RASGRF2: variants seen among roughly 807,000 people sequenced by gnomAD.
RASGRF2 encodes Ras protein specific guanine nucleotide releasing factor 2.
A neutral mutation model predicts 151.0 loss-of-function variants in RASGRF2; 76 were observed. That is an observed-to-expected ratio of 0.50 (90% CI 0.42 to 0.61). The LOEUF is 0.61. Among genes scored for constraint, RASGRF2 ranks in the 20% least tolerant of loss-of-function variants. The pLI, the probability that RASGRF2 is intolerant of heterozygous loss-of-function variation, is 0.00. For missense variants in RASGRF2, 1,148 were observed against 1,564.6 expected (o/e 0.73, Z 4.49); for synonymous variants, 504 against 566.5 (o/e 0.89, Z 1.57).
intron 17 of RASGRF2, among the ~76,000 whole-genome samples, chr5:81,140,802 A>G (rs986904497): frequency 2.0e-5 from 3 of 152,084 alleles, no homozygotes; most frequent in Admixed American, 2.0e-4. Flanking sequence ...AATGTAGTTG[A>G]TTATGCCTCA....
chr5:81,006,835 A>G (rs13182907), intron 1 of RASGRF2, among the ~76,000 whole-genome samples: 31,293 of 152,172 alleles, frequency 0.21, 3,288 homozygotes, highest in Admixed American at 0.24. Flanking sequence ...AACTGAACAC[A>G]TGTCTCAGAA....
chr5:80,972,687 C>A (rs1747977544), intron 1 of RASGRF2, among the ~76,000 whole-genome samples: 1 of 152,034 alleles, frequency 6.6e-6, no homozygotes, highest in African/African-American at 2.4e-5. Context: ...ATCATGTTGG[C>A]CAGGCTGGTC....
rs146584103 is a variant in RASGRF2, at chr5:81,198,788, C to T, written c.2794-2542C>T. Among the ~76,000 whole-genome samples the T allele has an allele frequency of 2.3e-4, 35 of 152,246 alleles. No homozygotes were observed. The East Asian group carries it at 2.3e-3, about 10-fold the overall frequency. On this transcript the variant is annotated intron_variant, in intron 18 of 26. Transcript: ENST00000265080. ...ATAGTATTCCATGGTGTATGTATAC[C>T]GCATTTTCTTTATCTAATGCACCGT... is the stretch of plus-strand genomic sequence containing the variant.
intron 2 of RASGRF2, among the ~76,000 whole-genome samples, chr5:81,060,427 G>T (rs79277692): frequency 1.4e-5 from 2 of 138,004 alleles, no homozygotes; most frequent in Non-Finnish European, 1.6e-5. Context: ...AGCCCTCACC[G>T]CTTGGTTAAA....
chr5:81,211,528 GGCACTCA>G (rs1362301299), intron 22 of RASGRF2, among the ~76,000 whole-genome samples: 1 of 152,200 alleles, frequency 6.6e-6, no homozygotes, highest in Admixed American at 6.5e-5. Flanking sequence ...AGGATGCGCA[GGCACTCA>G]GTGAACAGCA....
chr5:81,123,796 G>C, intron 16 of RASGRF2, 29 bp downstream of exon 16: 2 of 1,588,656 alleles, frequency 1.3e-6, no homozygotes, highest in South Asian at 2.3e-5. Flanking sequence ...CTCAGAAATA[G>C]AAACGTGAAA....
intron 15 of RASGRF2, among the ~76,000 whole-genome samples, chr5:81,114,393 A>G (rs1371080804): frequency 1.3e-5 from 2 of 152,232 alleles, no homozygotes; most frequent in East Asian, 1.9e-4. Context: ...AAGTACCACA[A>G]TGGCTTCTTT....
intron 1 of RASGRF2, among the ~76,000 whole-genome samples, chr5:81,040,996 A>G (rs1750660089): frequency 6.6e-6 from 1 of 152,188 alleles, no homozygotes; most frequent in African/African-American, 2.4e-5. Context: ...CATGTGTTCA[A>G]TTACGACTTA....
chr5:81,153,910 T>C (rs1479313010), intron 17 of RASGRF2, among the ~76,000 whole-genome samples: 1 of 149,750 alleles, frequency 6.7e-6, no homozygotes, highest in Non-Finnish European at 1.5e-5. Flanking sequence ...CTGGAGTGGC[T>C]CTACTGATAA....
At chr5:81,121,115 G>A (rs1753296593) in intron 15 of RASGRF2, among the ~76,000 whole-genome samples, 1 of 152,040 alleles carries the variant, frequency 6.6e-6, no homozygotes, top group African/African-American at 2.4e-5. Flanking sequence ...TGTGTGTGAT[G>A]TCTGTAAGAG....
At chr5:81,118,373 T>C (rs1753216274) in intron 15 of RASGRF2, among the ~76,000 whole-genome samples, 1 of 152,216 alleles carries the variant, frequency 6.6e-6, no homozygotes, top group African/African-American at 2.4e-5. Flanking sequence ...TGGGTTTGCC[T>C]GGGCCACAGC....
At position 80,977,412 on chromosome 5, in the gene RASGRF2, G is replaced by A. The variant is rs575047230; in HGVS notation, c.288+16386G>A. On this transcript the variant is annotated intron_variant, in intron 1 of 26. Transcript: ENST00000265080. ...ATTAAATTAACTGAGATAATCTTATGTGAAAGGTGTTTGTAAACTATAAAA... is the reference window on the plus strand; with the variant it reads ...ATTAAATTAACTGAGATAATCTTATATGAAAGGTGTTTGTAAACTATAAAA... 3.9e-5 allele frequency among the ~76,000 whole-genome samples: 6 copies of A among 152,240 alleles called. No homozygotes were observed. The East Asian group carries it at 1.2e-3, about 29-fold the overall frequency.
In RASGRF2 at chr5:81,216,963, G is replaced by A. The variant is rs148410771; in HGVS notation, c.3435-393G>A. On this transcript the variant is annotated intron_variant, in intron 24 of 26. Coordinates refer to ENST00000265080, the MANE Select transcript of RASGRF2 (RefSeq NM_006909.3). The stretch of plus-strand genomic sequence containing the variant: ...CTAACTGCATGGATTTTTCCATCTA[G>A]TTCATCAAGGCTGAATACTTGATTT... 2,479 of 456,402 alleles carry A rather than the reference G, an allele frequency of 5.4e-3. 15 individuals are homozygous for A. The highest frequency in any genetic ancestry group is 8.2e-3 in the Non-Finnish European group (1,862 of 227,216). The allele number at this position is 456,402 out of a possible 1,614,324, so 28.3% of individuals were successfully genotyped here. A position where few individuals can be genotyped will look rare whatever the true frequency, so the allele number is the denominator to read the frequency against.
At chr5:81,070,613 G>C (rs745409987) in intron 4 of RASGRF2, 32 bp downstream of exon 4, 5 of 1,532,308 alleles carry the variant, frequency 3.3e-6, no homozygotes, top group Non-Finnish European at 4.5e-6. Context: ...CTTTGTAGGA[G>C]CATGGTGACC....
At position 81,123,757 on chromosome 5, in the gene RASGRF2, A is replaced by C. The variant is rs34593336; in HGVS notation, c.2586A>C (p.Arg862=). 22,061 of 1,613,642 alleles carry C rather than the reference A, an allele frequency of 0.014. 2,381 individuals are homozygous for C. The African/African-American group carries it at 0.24, about 18-fold the overall frequency. ...SPSTPRHLRY[R]QPGGQTADNA... ...CAACTCCTCGGCACCTCCGCTATCG[A>C]CAGCCTGGAGGTAAGAGCTCAAGAG... The change falls in exon 16 of 27, where the codon CGA becomes CGC. Residue 862 remains arginine (R), a synonymous_variant. Coordinates refer to ENST00000265080, the MANE Select transcript of RASGRF2 (RefSeq NM_006909.3).
At chr5:81,099,248 C>T (rs424196) in intron 12 of RASGRF2, among the ~76,000 whole-genome samples, 2,660 of 152,282 alleles carry the variant, frequency 0.017, 35 homozygotes, top group Non-Finnish European at 0.028. Context: ...TTGCTTTTTA[C>T]CTCATTTACT....
intron 1 of RASGRF2, among the ~76,000 whole-genome samples, chr5:80,988,378 T>A (rs7731847): frequency 0.017 from 2,588 of 152,238 alleles, 81 homozygotes; most frequent in African/African-American, 0.058. Flanking sequence ...GTCTGCAAAG[T>A]CCTTTTAGCC....
At chr5:81,203,300 T>C (rs1242092999) in intron 19 of RASGRF2, among the ~76,000 whole-genome samples, 1 of 152,110 alleles carries the variant, frequency 6.6e-6, no homozygotes, top group Non-Finnish European at 1.5e-5. Context: ...GAAGTGAGGG[T>C]GTTCAGGCTG....
At chr5:81,039,849 A>G (rs895408890) in intron 1 of RASGRF2, among the ~76,000 whole-genome samples, 1 of 152,136 alleles carries the variant, frequency 6.6e-6, no homozygotes, top group African/African-American at 2.4e-5. Context: ...GTTATGCAGA[A>G]GTGTTTTATT....
Sources: gnomAD v4.1 joint callset for allele counts (sites outside exome capture counted in the v4.1 genomes callset) on GRCh38, gnomAD v4.1.1 for gene constraint, MANE v1.5 for transcripts, NCBI Gene and HGNC (gene_info 2026-07-23, HGNC 2026-07-21) for gene names.